The following NRG3 variants were observed in gnomAD, a reference collection of about 807,000 sequenced individuals.
The protein encoded by NRG3 is neuregulin 3, also known as pro-neuregulin-3, membrane-bound isoform.
In NRG3, 31 loss-of-function variants were observed where a neutral mutation model predicts 66.9. The ratio of observed to expected loss-of-function variants is 0.46; its 90% CI spans 0.35 to 0.63. NRG3 has a LOEUF of 0.63. Ranked by LOEUF, NRG3 falls within the 20% of genes least tolerant of loss-of-function variation. NRG3 has a pLI of 0.00. For missense variants in NRG3, 910 were observed against 878.9 expected, an observed-to-expected ratio of 1.04 and a Z score of -0.45; for synonymous variants, 393 against 359.4, an observed-to-expected ratio of 1.09 and a Z score of -1.06.
intron 3 of NRG3, among the ~76,000 whole-genome samples, chr10:82,790,859 T>C (rs2060558967): frequency 6.6e-6 from 1 of 151,946 alleles, no homozygotes; most frequent in Non-Finnish European, 1.5e-5. Flanking sequence ...AAATCTGTTT[T>C]TGAACCCCTC....
intron 1 of NRG3, among the ~76,000 whole-genome samples, chr10:82,170,448 T>G (rs1259738439): frequency 6.6e-6 from 1 of 151,716 alleles, no homozygotes; most frequent in Non-Finnish European, 1.5e-5. Context: ...CCCTTGAACT[T>G]AATATGCGTC....
Position 82,517,572 on chromosome 10 carries a change from C to G in NRG3, c.953+158704C>G, listed in dbSNP as rs373424277. Among the ~76,000 whole-genome samples, 14 of 151,792 alleles carry G rather than the reference C, an allele frequency of 9.2e-5. No homozygotes were observed. In the East Asian group the frequency reaches 1.6e-3, roughly 17 times the overall value. On this transcript the variant is annotated intron_variant, in intron 2 of 8. Transcript: ENST00000372141. Reference sequence around the variant, plus strand: ...GAAGAAATCTTCTTAAGCAGGATTTCATTATGTGTTTTCAATCACTAATCT... The same window carrying G: ...GAAGAAATCTTCTTAAGCAGGATTTGATTATGTGTTTTCAATCACTAATCT...
chr10:81,875,501 G>T lies in NRG3; in HGVS notation c.161G>T (p.Cys54Phe). ...GAAEPPRELR[C>F]SDCIVWNRQQ... is the part of the protein sequence containing the mutation. ...GCCGAGCCCCCCCGGGAGTTACGCT[G>T]TAGCGACTGCATCGTGTGGAACCGG... Residue 54 changes from cysteine to phenylalanine, a missense_variant, in exon 1 of 9, where the codon TGT becomes TTT. By Grantham distance (205) the Cys-to-Phe change is radical. Transcript: ENST00000372141. The surrounding 1 kb of genome is among the most constrained non-coding windows in gnomAD (Gnocchi z 5.3). 1 of 1,599,306 alleles carries T rather than the reference G, an allele frequency of 6.3e-7. No individual in the cohort carries two copies.
At chr10:82,237,177 C>T (rs1321919516) in intron 1 of NRG3, among the ~76,000 whole-genome samples, 1 of 152,174 alleles carries the variant, frequency 6.6e-6, no homozygotes, top group Non-Finnish European at 1.5e-5. Flanking sequence ...AGTTTGTTCA[C>T]AGTATACCAG....
intron 3 of NRG3, among the ~76,000 whole-genome samples, chr10:82,759,070 C>T (rs2059196384): frequency 6.6e-6 from 1 of 152,004 alleles, no homozygotes; most frequent in East Asian, 1.9e-4. Flanking sequence ...GATGTTTGGG[C>T]CATGGGGGCA....
intron 2 of NRG3, among the ~76,000 whole-genome samples, chr10:82,642,237 CT>C (rs1276365823): frequency 6.6e-6 from 1 of 150,820 alleles, no homozygotes; most frequent in Non-Finnish European, 1.5e-5. Flanking sequence ...TTTATCTCCT[CT>C]ATCAACAAGT....
chr10:82,514,621 G>A (rs962036537), intron 2 of NRG3, among the ~76,000 whole-genome samples: 1 of 151,894 alleles, frequency 6.6e-6, no homozygotes. Context: ...TTTTACAGTA[G>A]CCTTGTATAG....
intron 2 of NRG3, among the ~76,000 whole-genome samples, chr10:82,520,704 T>G (rs1218967431): frequency 1.3e-5 from 2 of 152,178 alleles, no homozygotes; most frequent in Non-Finnish European, 2.9e-5. Context: ...TCGAACATTA[T>G]TCTTCTCAAA....
chr10:82,783,346 G>T (rs988757620), intron 3 of NRG3, among the ~76,000 whole-genome samples: 2 of 151,078 alleles, frequency 1.3e-5, no homozygotes, highest in African/African-American at 2.4e-5. Flanking sequence ...AGTGTTGGAA[G>T]TTCTGGCCAG....
chr10:82,260,277 G>A (rs1189033762), intron 1 of NRG3, among the ~76,000 whole-genome samples: 1 of 152,150 alleles, frequency 6.6e-6, no homozygotes, highest in Non-Finnish European at 1.5e-5. Flanking sequence ...TATAATAGTG[G>A]TACAAATAAC....
rs183343217 is a variant in NRG3 at position 82,632,550 on chromosome 10, T to C, written c.954-106027T>C. Among the ~76,000 whole-genome samples the C allele has an allele frequency of 2.0e-5, 3 of 152,318 alleles. No homozygotes were observed. The East Asian group carries it at 5.8e-4, about 29-fold the overall frequency. On this transcript the variant is annotated intron_variant, in intron 2 of 8. Coordinates refer to ENST00000372141, the MANE Select transcript of NRG3 (RefSeq NM_001010848.4). ...GAACTTTTCCCTGGCAGAAATTTCC[T>C]TTATTACAACTCATTATCGTATTTC...
chr10:81,949,489 C>G (rs1341318933), intron 1 of NRG3, among the ~76,000 whole-genome samples: 1 of 151,982 alleles, frequency 6.6e-6, no homozygotes, highest in Admixed American at 6.6e-5. Context: ...CAGATCTGCC[C>G]TCTCATGGCC....
chr10:82,670,068 T>G (rs1434287404), intron 2 of NRG3, among the ~76,000 whole-genome samples: 2 of 152,166 alleles, frequency 1.3e-5, no homozygotes, highest in South Asian at 4.1e-4. Flanking sequence ...AAAAAATTAA[T>G]AACTTTATTT....
At chr10:82,004,722 T>C (rs2133714783) in intron 1 of NRG3, among the ~76,000 whole-genome samples, 2 of 152,242 alleles carry the variant, frequency 1.3e-5, no homozygotes, top group South Asian at 4.1e-4. Flanking sequence ...AATGAGGACG[T>C]TAAGGTGGGC....
At chr10:82,136,268 C>T (rs1216303469) in intron 1 of NRG3, among the ~76,000 whole-genome samples, 2 of 152,196 alleles carry the variant, frequency 1.3e-5, no homozygotes, top group Non-Finnish European at 2.9e-5. Flanking sequence ...TGGAACTGCT[C>T]TGGTTCAGAC....
At chr10:82,547,381 G>A (rs556520613) in intron 2 of NRG3, among the ~76,000 whole-genome samples, 1 of 150,366 alleles carries the variant, frequency 6.7e-6, no homozygotes, top group Non-Finnish European at 1.5e-5. Context: ...ATCTATATAT[G>A]TATGTATATA....
intron 1 of NRG3, among the ~76,000 whole-genome samples, chr10:82,159,698 G>C (rs545686492): frequency 6.6e-6 from 1 of 151,988 alleles, no homozygotes; most frequent in African/African-American, 2.4e-5. Context: ...TTCATCCCTG[G>C]AACATAGTAG....
intron 1 of NRG3, among the ~76,000 whole-genome samples, chr10:82,071,694 G>A (rs775264115): frequency 6.6e-6 from 1 of 152,120 alleles, no homozygotes; most frequent in African/African-American, 2.4e-5. Flanking sequence ...GGTTGATGAA[G>A]TGACATTATT....
intron 1 of NRG3, among the ~76,000 whole-genome samples, chr10:81,923,694 C>T (rs1178785056): frequency 1.3e-5 from 2 of 150,580 alleles, no homozygotes; most frequent in African/African-American, 4.9e-5. Flanking sequence ...CCAAGACCCC[C>T]GGAGAATGCT....
Sources: gnomAD v4.1 joint callset for allele counts (sites outside exome capture counted in the v4.1 genomes callset) on GRCh38, gnomAD v4.1.1 for gene constraint, Gnocchi (gnomAD v3.1) non-coding constraint, MANE v1.5 for transcripts, NCBI Gene and HGNC (gene_info 2026-07-23, HGNC 2026-07-21) for gene names.